DPYD: variants seen among roughly 807,000 people sequenced by gnomAD.
DPYD encodes dihydropyrimidine dehydrogenase, also known as dihydropyrimidine dehydrogenase [NADP(+)].
In DPYD, 109 loss-of-function variants were observed where a neutral mutation model predicts 116.2. That is an observed-to-expected ratio of 0.94 (90% CI 0.80 to 1.10). DPYD has a LOEUF of 1.10. Ranked by LOEUF, DPYD falls within the 50% of genes least tolerant of loss-of-function variation. The pLI is 0.00. For synonymous variants in DPYD, 440 were observed against 432.0 expected (o/e 1.02, Z -0.23); for missense variants, 1,302 against 1,254.5 (o/e 1.04, Z -0.57).
At position 97,382,439 on chromosome 1, in the gene DPYD, C is replaced by T; in HGVS notation, c.1928G>A (p.Cys643Tyr). ...CGTCCAGTCATTTTTATTGTAACTG[C>T]ACATAATGCTAGCAATCACAATCTT... ...PDNIVIASIMCSYNKNDWTEL... is the reference protein window; with the variant it reads ...PDNIVIASIMYSYNKNDWTEL... Residue 643 changes from cysteine (C) to tyrosine (Y), a missense_variant, in exon 15 of 23, where the codon TGC becomes TAC. Physicochemically the swap from Cys to Tyr is radical, Grantham distance 194. Coordinates refer to ENST00000370192, the MANE Select transcript of DPYD (RefSeq NM_000110.4). 6.3e-7 allele frequency: 1 copy of T among 1,594,466 alleles called. No homozygotes were observed.
At chr1:97,224,208 G>A (rs1201101211) in intron 19 of DPYD, among the ~76,000 whole-genome samples, 2 of 152,112 alleles carry the variant, frequency 1.3e-5, no homozygotes, top group African/African-American at 4.8e-5. Flanking sequence ...ACCCAGGAAG[G>A]CAAGCCTGTA....
chr1:97,881,275 C>A (rs1451462710), intron 2 of DPYD, among the ~76,000 whole-genome samples: 2 of 151,890 alleles, frequency 1.3e-5, no homozygotes, highest in Non-Finnish European at 2.9e-5. Context: ...CACACGCACA[C>A]CCAAAGTGAA....
chr1:97,562,995 AG>A (rs1652269480), intron 11 of DPYD, among the ~76,000 whole-genome samples: 1 of 152,208 alleles, frequency 6.6e-6, no homozygotes, highest in Non-Finnish European at 1.5e-5. Flanking sequence ...CTGGGATTAC[AG>A]GCGTGAGCCA....
chr1:97,344,188 A>AAG (rs372083791), intron 16 of DPYD, among the ~76,000 whole-genome samples: 492 of 151,074 alleles, frequency 3.3e-3, no homozygotes, highest in Middle Eastern at 6.8e-3. Context: ...AAATAAAAAA[A>AAG]AGAGAGAGAG....
intron 16 of DPYD, among the ~76,000 whole-genome samples, chr1:97,332,001 T>C (rs1304663118): frequency 1.3e-5 from 2 of 152,232 alleles, no homozygotes; most frequent in African/African-American, 4.8e-5. Flanking sequence ...TTCTCTCGTA[T>C]TCAAGGTTTA....
intron 20 of DPYD, among the ~76,000 whole-genome samples, chr1:97,163,071 G>A (rs1014302437): frequency 6.3e-4 from 95 of 151,306 alleles, no homozygotes; most frequent in Non-Finnish European, 1.3e-4. Flanking sequence ...ATAGGCATGG[G>A]CAAGGACTTC....
chr1:97,630,321 G>A (rs1056910876), intron 8 of DPYD, among the ~76,000 whole-genome samples: 7 of 151,264 alleles, frequency 4.6e-5, no homozygotes, highest in Admixed American at 1.3e-4. Flanking sequence ...CTTTTGTTTT[G>A]TTTTTACCTC....
chr1:97,623,680 T>A (rs1656759647), intron 8 of DPYD, among the ~76,000 whole-genome samples: 1 of 151,812 alleles, frequency 6.6e-6, no homozygotes, highest in African/African-American at 2.4e-5. Context: ...AATGCAATCA[T>A]GAGCAAAAAG....
At chr1:97,828,809 AATTAG>A (rs1219189655) in intron 2 of DPYD, among the ~76,000 whole-genome samples, 3 of 151,956 alleles carry the variant, frequency 2.0e-5, no homozygotes, top group Non-Finnish European at 4.4e-5. Context: ...ATTAGGTGAA[AATTAG>A]ATTAGATCAG....
At chr1:97,464,192 T>C (rs896240721) in intron 13 of DPYD, among the ~76,000 whole-genome samples, 1 of 151,448 alleles carries the variant, frequency 6.6e-6, no homozygotes, top group Non-Finnish European at 1.5e-5. Context: ...TGAGCTGAGA[T>C]TGCACCACTG....
At chr1:97,386,907 C>G (rs776008454) in intron 14 of DPYD, among the ~76,000 whole-genome samples, 1 of 151,808 alleles carries the variant, frequency 6.6e-6, no homozygotes, top group Non-Finnish European at 1.5e-5. Flanking sequence ...AATTAGGAAG[C>G]CCTTCAGTAT....
chr1:97,426,747 C>T (rs966905482), intron 14 of DPYD, among the ~76,000 whole-genome samples: 12 of 151,848 alleles, frequency 7.9e-5, no homozygotes, highest in Non-Finnish European at 1.3e-4. Context: ...GAGGTAGATA[C>T]TAGGATCTAG....
intron 8 of DPYD, among the ~76,000 whole-genome samples, chr1:97,666,617 A>G (rs1372192793): frequency 6.6e-6 from 1 of 152,210 alleles, no homozygotes; most frequent in Non-Finnish European, 1.5e-5. Flanking sequence ...TAAAAAAAAT[A>G]ACACAAGCAT....
At chr1:97,193,291 T>C (rs983163241) in intron 19 of DPYD, 43 bp from the exon 20 acceptor site, 2 of 1,581,882 alleles carry the variant, frequency 1.3e-6, no homozygotes, top group Non-Finnish European at 1.7e-6. Context: ...AACCAAGAGA[T>C]AATTCTCCAA....
chr1:97,373,374 G>T (rs1017448430), intron 16 of DPYD, among the ~76,000 whole-genome samples, 187 bp downstream of exon 16: 1 of 152,166 alleles, frequency 6.6e-6, no homozygotes, highest in Non-Finnish European at 1.5e-5. Flanking sequence ...AAACTAAACA[G>T]TTGCTATAAT....
chr1:97,323,526 AT>A (rs1668497525), intron 16 of DPYD, among the ~76,000 whole-genome samples: 6 of 12,058 alleles, frequency 5.0e-4, no homozygotes, highest in Non-Finnish European at 1.9e-3. Flanking sequence ...ATATATACAC[AT>A]ATATATACAT....
chr1:97,749,945 CTT>C (rs1434015104), intron 3 of DPYD, among the ~76,000 whole-genome samples: 1 of 151,684 alleles, frequency 6.6e-6, no homozygotes, highest in East Asian at 1.9e-4. Context: ...ATCATAAACT[CTT>C]TGATTTATAT....
intron 12 of DPYD, among the ~76,000 whole-genome samples, chr1:97,536,572 C>T (rs1479784756): frequency 6.6e-6 from 1 of 152,186 alleles, no homozygotes; most frequent in Admixed American, 6.5e-5. Flanking sequence ...ATCGATGATG[C>T]CCTTTCTTCA....
At chr1:97,546,547 G>A (rs944676277) in intron 12 of DPYD, 2 of 1,599,148 alleles carry the variant, frequency 1.3e-6, no homozygotes, top group Middle Eastern at 1.8e-4. Flanking sequence ...CATACAGCAA[G>A]AAGAGAGCGC....
Sources: allele counts gnomAD v4.1 joint callset (sites outside exome capture counted in the v4.1 genomes callset), GRCh38; gene constraint gnomAD v4.1.1; transcripts MANE v1.5; gene names NCBI Gene and HGNC (gene_info 2026-07-23, HGNC 2026-07-21).